PDAP1: variants seen among roughly 807,000 people sequenced by gnomAD.
PDAP1 encodes PDGFA associated protein 1, also known as 28 kDa heat- and acid-stable phosphoprotein.
In PDAP1, 13 loss-of-function variants were observed where a neutral mutation model predicts 28.0. The observed-to-expected ratio is 0.46, with a 90% CI of 0.30 to 0.74. The LOEUF (loss-of-function observed/expected upper bound fraction) is 0.74, where lower values mean the gene tolerates loss of function less well. Among genes scored for constraint, PDAP1 ranks in the 30% least tolerant of loss-of-function variants. PDAP1 has a pLI of 0.07. For missense variants in PDAP1, 150 were observed against 230.0 expected, an observed-to-expected ratio of 0.65 and a Z score of 2.25; for synonymous variants, 77 against 85.1, an observed-to-expected ratio of 0.91 and a Z score of 0.52.
At chr7:99,402,333 G>A (rs1229200838) in intron 3 of PDAP1, among the ~76,000 whole-genome samples, 4 of 151,752 alleles carry the variant, frequency 2.6e-5, no homozygotes, top group Admixed American at 2.0e-4. Context: ...GCCAGGCATG[G>A]TGGCTCATGC....
intron 3 of PDAP1, among the ~76,000 whole-genome samples, chr7:99,401,067 G>A (rs935580155): frequency 1.3e-5 from 2 of 152,104 alleles, no homozygotes; most frequent in Non-Finnish European, 2.9e-5. Context: ...TTCTCCTTAA[G>A]GGGGCAGGGA....
rs753993473 is a variant in PDAP1 at position 99,404,898 on chromosome 7, G to A, written c.69C>T (p.Ile23=). 2.1e-5 allele frequency: 34 copies of A among 1,613,440 alleles called. No individual in the cohort carries two copies. The highest frequency in any genetic ancestry group is 3.3e-5 in the Admixed American group (2 of 59,994). Residue 23 remains isoleucine (I), a synonymous_variant, in exon 2 of 6, where the codon ATC becomes ATT. Coordinates refer to ENST00000350498, the MANE Select transcript of PDAP1 (RefSeq NM_014891.7). ...RARQYTSPEE[I]DAQLQAEKQK... ...GCTTCTCAGCCTGCAGCTGCGCGTC[G>A]ATCTCCTCAGGGCTTGTATACTGCC...
rs1356424540 is a variant in PDAP1 at position 99,395,654 on chromosome 7, C to T, written c.*1028G>A. On this transcript the variant is annotated 3_prime_UTR_variant, in exon 6 of 6. Transcript: ENST00000350498. ...CCAATGCTAGTGCTATTCCCCTTCT[C>T]CCCTAGAGTTACAGAATTATAACCA... is the stretch of plus-strand genomic sequence containing the variant. The T allele has an allele frequency of 6.6e-6, 1 of 152,236 alleles. No individual in the cohort carries two copies. Among genetic ancestry groups the T allele is most frequent in the Non-Finnish European group, 1.5e-5 (1 of 68,070 alleles). The allele number at this position is 152,236 out of a possible 1,614,324, so 9.4% of individuals were successfully genotyped here. A position where few individuals can be genotyped will look rare whatever the true frequency, so the allele number is the denominator to read the frequency against.
chr7:99,396,870 G>A (rs1156864535), intron 5 of PDAP1, 130 bp from the exon 6 acceptor site: 13 of 704,306 alleles, frequency 1.8e-5, no homozygotes, highest in African/African-American at 1.1e-4. Flanking sequence ...GAGAAGAGCC[G>A]AGGCGTGGGA....
intron 3 of PDAP1, 21 bp from the exon 4 acceptor site, chr7:99,400,445 G>A: frequency 6.2e-7 from 1 of 1,613,852 alleles, no homozygotes; most frequent in Non-Finnish European, 8.5e-7. Context: ...GCAAGAAGCT[G>A]GTTGTTGGAG....
chr7:99,408,272 G>T (rs1014515043), intron 1 of PDAP1, among the ~76,000 whole-genome samples: 1 of 151,944 alleles, frequency 6.6e-6, no homozygotes, highest in African/African-American at 2.4e-5. Flanking sequence ...CCGGAGAAGC[G>T]CATCCTAGAT....
chr7:99,405,006 AC>A, intron 1 of PDAP1, 53 bp from the exon 2 acceptor site: 2 of 1,345,858 alleles, frequency 1.5e-6, no homozygotes, highest in Non-Finnish European at 2.1e-6. Flanking sequence ...GACTGCTCTG[AC>A]CCCCAGAGGG....
intron 5 of PDAP1, among the ~76,000 whole-genome samples, chr7:99,397,282 C>G (rs146920970): frequency 2.0e-5 from 3 of 152,206 alleles, no homozygotes; most frequent in Non-Finnish European, 2.9e-5. Flanking sequence ...TCACAGACCC[C>G]CGGGAGATGG....
chr7:99,404,887 A>G lies in PDAP1; in HGVS notation c.80T>C (p.Leu27Pro). Residue 27 changes from leucine (L) to proline (P), a missense_variant, in exon 2 of 6, where the codon CTG (leucine) becomes CCG (proline). Transcript: ENST00000350498. ...YTSPEEIDAQ[L>P]QAEKQKAREE... The stretch of plus-strand genomic sequence containing the variant: ...CCTGGCCTTCTGCTTCTCAGCCTGC[A>G]GCTGCGCGTCGATCTCCTCAGGGCT... 6.2e-7 allele frequency: 1 copy of G among 1,613,068 alleles called. No homozygotes were observed. The highest frequency in any genetic ancestry group is 8.5e-7 in the Non-Finnish European group (1 of 1,179,928).
At position 99,403,493 on chromosome 7, in the gene PDAP1, G is replaced by C. The variant is rs1562824673; in HGVS notation, c.118C>G (p.Gln40Glu). 6.2e-7 allele frequency: 1 copy of C among 1,608,272 alleles called. No homozygotes were observed. Residue 40 changes from glutamine (Q) to glutamate (E), a missense_variant, in exon 3 of 6, where the codon CAA becomes GAA. By Grantham distance (29) the Gln-to-Glu change is conservative. Transcript: ENST00000350498. ...GCAGCCCCATCTCCACCTTCTTTTT[G>C]CTCCTCTTCTTCCTGTTTCAGAAAT... ...EKQKAREEEE[Q>E]KEGGDGAAGD...
Position 99,408,561 on chromosome 7 carries a change from G to T in PDAP1, c.-13C>A. The T allele has an allele frequency of 7.8e-7, 1 of 1,273,906 alleles. No homozygotes were observed. The allele number at this position is 1,273,906 out of a possible 1,614,324, so 78.9% of individuals were successfully genotyped here. On this transcript the variant is annotated 5_prime_UTR_variant, in exon 1 of 6. Transcript: ENST00000350498. ...CTCCTTTAGGCATTGCGGCTCCGGCGGCTGCGGCGGCGGCGGCGGCGCCTC... is the reference window on the plus strand; with the variant it reads ...CTCCTTTAGGCATTGCGGCTCCGGCTGCTGCGGCGGCGGCGGCGGCGCCTC...
rs187277476 is a variant in PDAP1, at chr7:99,402,310, A to G, written c.213+1088T>C. Among the ~76,000 whole-genome samples the G allele has an allele frequency of 2.2e-3, 330 of 151,534 alleles. 1 individual carries two copies. The highest frequency in any genetic ancestry group is 3.1e-3 in the Non-Finnish European group (212 of 67,904). On this transcript the variant is annotated intron_variant, in intron 3 of 5. Coordinates refer to ENST00000350498, the MANE Select transcript of PDAP1 (RefSeq NM_014891.7). ...TCCCCCAGCTGCCACTACCTACCAT[A>G]AAGAAACCCCATGCCAGGCATGGTG... is the stretch of plus-strand genomic sequence containing the variant.
In PDAP1 at chr7:99,396,502, G is replaced by GCCCCCCCCCCC; in HGVS notation, c.*179_*180insGGGGGGGGGGG. On this transcript the variant is annotated 3_prime_UTR_variant, in exon 6 of 6. Coordinates refer to ENST00000350498, the MANE Select transcript of PDAP1 (RefSeq NM_014891.7). ...AAAGATAGCAGCTACCCCTCCCCCAGTCCCCCCCCCCATCCCCCAAACAAT... is the reference window on the plus strand; with the variant it reads ...AAAGATAGCAGCTACCCCTCCCCCAGCCCCCCCCCCCTCCCCCCCCCCATCCCCCAAACAAT... The GCCCCCCCCCCC allele has an allele frequency of 3.0e-6, 1 of 328,356 alleles. No homozygotes were observed. 20.3% of individuals were successfully genotyped at this position (328,356 alleles called of 1,614,324 possible).
intron 2 of PDAP1, among the ~76,000 whole-genome samples, chr7:99,404,226 T>C: frequency 6.6e-6 from 1 of 152,104 alleles, no homozygotes; most frequent in East Asian, 1.9e-4. Context: ...TGTGTACCCA[T>C]CTGGCCCTGA....
At position 99,394,968 on chromosome 7, in the gene PDAP1, G is replaced by C; in HGVS notation, c.*1714C>G. 1 of 418,636 alleles carries C rather than the reference G, an allele frequency of 2.4e-6. No individual in the cohort carries two copies. The highest frequency in any genetic ancestry group is 3.6e-6 in the Non-Finnish European group (1 of 280,736). 25.9% of individuals were successfully genotyped at this position (418,636 alleles called of 1,614,324 possible). Reference sequence around the variant, plus strand: ...AGAGATTGGTGTTTGCACGGCCATAGGTAGATAGCTTATTTTTACTGCTTG... The same window carrying C: ...AGAGATTGGTGTTTGCACGGCCATACGTAGATAGCTTATTTTTACTGCTTG... On this transcript the variant is annotated 3_prime_UTR_variant, in exon 6 of 6. Coordinates refer to ENST00000350498, the MANE Select transcript of PDAP1 (RefSeq NM_014891.7).
chr7:99,396,642 C>T lies in PDAP1; in HGVS notation c.*40G>A, dbSNP rs781480587. ...CGAGACACAGCAGAGGTCCTGGCAGCGCGGCCCAGGTCCCCGGCATCTCCT... is the reference window on the plus strand; with the variant it reads ...CGAGACACAGCAGAGGTCCTGGCAGTGCGGCCCAGGTCCCCGGCATCTCCT... On this transcript the variant is annotated 3_prime_UTR_variant, in exon 6 of 6. Coordinates refer to ENST00000350498, the MANE Select transcript of PDAP1 (RefSeq NM_014891.7). The T allele has an allele frequency of 3.9e-6, 6 of 1,551,702 alleles. No homozygotes were observed. The Admixed American group carries it at 5.0e-5, about 13-fold the overall frequency.
In PDAP1 at chr7:99,404,882, C is replaced by T; in HGVS notation, c.85G>A (p.Ala29Thr). 1 of 1,612,882 alleles carries T rather than the reference C, an allele frequency of 6.2e-7. No homozygotes were observed. Among genetic ancestry groups the T allele is most frequent in the Non-Finnish European group, 8.5e-7 (1 of 1,179,906 alleles). Residue 29 changes from alanine to threonine, a missense_variant, in exon 2 of 6, where the codon GCT becomes ACT. Coordinates refer to ENST00000350498, the MANE Select transcript of PDAP1 (RefSeq NM_014891.7). ...SPEEIDAQLQAEKQKAREEEE... is the reference protein window; with the variant it reads ...SPEEIDAQLQTEKQKAREEEE... The stretch of plus-strand genomic sequence containing the variant: ...CTCACCCTGGCCTTCTGCTTCTCAG[C>T]CTGCAGCTGCGCGTCGATCTCCTCA...
chr7:99,394,812 A>C lies in PDAP1; in HGVS notation c.*1870T>G. On this transcript the variant is annotated 3_prime_UTR_variant, in exon 6 of 6. Coordinates refer to ENST00000350498, the MANE Select transcript of PDAP1 (RefSeq NM_014891.7). The stretch of plus-strand genomic sequence containing the variant: ...AAAAAAAAAAAAAAAGTAATTATGG[A>C]CATGCTTGCCTATGTGGAAGGAGAG... 1 of 1,229,824 alleles carries C rather than the reference A, an allele frequency of 8.1e-7. No homozygotes were observed. The highest frequency in any genetic ancestry group is 1.0e-6 in the Non-Finnish European group (1 of 988,604). 76.2% of individuals were successfully genotyped at this position (1,229,824 alleles called of 1,614,324 possible).
chr7:99,405,770 G>A (rs757587557), intron 1 of PDAP1, among the ~76,000 whole-genome samples: 8 of 152,158 alleles, frequency 5.3e-5, no homozygotes, highest in Admixed American at 2.0e-4. Flanking sequence ...GAAACACCAC[G>A]AAGTTTAGAG....
Sources: gnomAD v4.1 joint callset for allele counts (sites outside exome capture counted in the v4.1 genomes callset) on GRCh38, gnomAD v4.1.1 for gene constraint, MANE v1.5 for transcripts, NCBI Gene and HGNC (gene_info 2026-07-23, HGNC 2026-07-21) for gene names.